The following FAM193A variants were observed in gnomAD, a reference collection of about 807,000 sequenced individuals.
FAM193A encodes the protein protein FAM193A.
FAM193A carries 22 observed loss-of-function variants against 126.5 expected under a neutral mutation model. That is an observed-to-expected ratio of 0.17 (90% CI 0.12 to 0.25). The LOEUF (loss-of-function observed/expected upper bound fraction) is 0.25, where lower values mean the gene tolerates loss of function less well. Ranked by LOEUF, FAM193A falls within the 10% of genes least tolerant of loss-of-function variation. The pLI is 1.00. For missense variants in FAM193A, 1,675 were observed against 1,672.8 expected, an observed-to-expected ratio of 1.00 and a Z score of -0.02; for synonymous variants, 761 against 646.8, an observed-to-expected ratio of 1.18 and a Z score of -2.68.
At chr4:2,549,245 C>T (rs1578572025) in intron 1 of FAM193A, among the ~76,000 whole-genome samples, 2 of 150,676 alleles carry the variant, frequency 1.3e-5, no homozygotes, top group African/African-American at 2.4e-5. Context: ...GGCTGTAAAC[C>T]GGTTTTTTGC....
intron 1 of FAM193A, among the ~76,000 whole-genome samples, chr4:2,593,102 T>C (rs1367529398): frequency 6.6e-6 from 1 of 152,126 alleles, no homozygotes; most frequent in Non-Finnish European, 1.5e-5. Context: ...GCTCAGATAC[T>C]GAAGGAATGA....
At chr4:2,729,544 T>C (rs141571512) in intron 20 of FAM193A, among the ~76,000 whole-genome samples, 47 of 152,316 alleles carry the variant, frequency 3.1e-4, no homozygotes, top group Non-Finnish European at 5.6e-4. Context: ...CCACTCCTGT[T>C]CTAAAACTTG....
At chr4:2,669,472 G>A (rs1444174225) in intron 12 of FAM193A, among the ~76,000 whole-genome samples, 1 of 152,132 alleles carries the variant, frequency 6.6e-6, no homozygotes, top group African/African-American at 2.4e-5. Context: ...AGCCAGGCGT[G>A]CTATCATGTG....
At chr4:2,717,639 A>G (rs2109380580) in intron 20 of FAM193A, among the ~76,000 whole-genome samples, 1 of 151,642 alleles carries the variant, frequency 6.6e-6, no homozygotes, top group African/African-American at 2.4e-5. Flanking sequence ...TTGTAGTCCA[A>G]GCTACTCAGG....
upstream of FAM193A, among the ~76,000 whole-genome samples, chr4:2,535,633 C>T (rs1736835350): frequency 6.6e-6 from 1 of 152,186 alleles, no homozygotes; most frequent in Admixed American, 6.5e-5. Flanking sequence ...TCTGCAAGGC[C>T]GCGGAGGGAG....
chr4:2,679,821 A>G (rs1193474651), intron 13 of FAM193A, among the ~76,000 whole-genome samples: 1 of 151,206 alleles, frequency 6.6e-6, no homozygotes, highest in African/African-American at 2.4e-5. Context: ...AGAATTGACT[A>G]GTGAAGCCAT....
chr4:2,586,499 A>G (rs917490422), intron 1 of FAM193A, among the ~76,000 whole-genome samples: 3 of 151,964 alleles, frequency 2.0e-5, no homozygotes, highest in African/African-American at 7.3e-5. Context: ...CATTCTTTCC[A>G]TAGTATTGTA....
rs1285098469 is a variant in FAM193A, at chr4:2,732,040, C to T, written c.*172C>T. 2.2e-5 allele frequency: 14 copies of T among 640,208 alleles called. No individual in the cohort carries two copies. The highest frequency in any genetic ancestry group is 1.0e-4 in the East Asian group (4 of 38,396). The allele number at this position is 640,208 out of a possible 1,614,324, so 39.7% of individuals were successfully genotyped here. A position where few individuals can be genotyped will look rare whatever the true frequency, so the allele number is the denominator to read the frequency against. On this transcript the variant is annotated 3_prime_UTR_variant, in exon 21 of 21. Coordinates refer to ENST00000637812, the MANE Select transcript of FAM193A (RefSeq NM_001366318.2). ...TGATGCTCGGCCCACGCCGTTAGCT[C>T]GTGTGCGTGTAGTCTGTGCGTGAGA...
intron 1 of FAM193A, among the ~76,000 whole-genome samples, chr4:2,594,849 G>T (rs1232657181): frequency 2.1e-3 from 31 of 14,580 alleles, no homozygotes; most frequent in African/African-American, 1.2e-3. Flanking sequence ...TTTTTTTTGA[G>T]ACTTAGTCTT....
chr4:2,620,329 C>T (rs1742465352), intron 2 of FAM193A, among the ~76,000 whole-genome samples: 1 of 152,100 alleles, frequency 6.6e-6, no homozygotes, highest in Non-Finnish European at 1.5e-5. Context: ...TGATGATAGG[C>T]ACTGATGTAC....
In FAM193A at chr4:2,655,447, C is replaced by CTG. The variant is rs374208792; in HGVS notation, c.1312-2338_1312-2337dup. Among the ~76,000 whole-genome samples the CTG allele has an allele frequency of 3.9e-3, 582 of 148,944 alleles. 1 individual carries two copies. The highest frequency in any genetic ancestry group is 0.017 in the Middle Eastern group (5 of 290). ...GACGTGTGTGTGTGTGCGTGTGCGC[C>CTG]TGTGTGTGTGTGTGTGTGTATTCGG... On this transcript the variant is annotated intron_variant, in intron 7 of 20. Coordinates refer to ENST00000637812, the MANE Select transcript of FAM193A (RefSeq NM_001366318.2).
Position 2,626,511 on chromosome 4 carries a change from C to T in FAM193A, c.737C>T (p.Pro246Leu), listed in dbSNP as rs138863059. 14 of 702,494 alleles carry T rather than the reference C, an allele frequency of 2.0e-5. No individual in the cohort carries two copies. Among genetic ancestry groups the T allele is most frequent in the Admixed American group, 8.0e-5 (4 of 50,018 alleles). 43.5% of individuals were successfully genotyped at this position (702,494 alleles called of 1,614,324 possible). The change falls in exon 4 of 21, where the codon CCG becomes CTG. Residue 246 changes from proline to leucine, a missense_variant. Transcript: ENST00000637812. ...TGCATCTACCGCCAGGCAGGAACCC[C>T]GCTGGCAGATGACCAGGACCAGTCT... ...VRCIYRQAGT[P>L]LADDQDQSLV...
chr4:2,698,272 T>A (rs1345297977), intron 18 of FAM193A, among the ~76,000 whole-genome samples: 1 of 152,210 alleles, frequency 6.6e-6, no homozygotes, highest in Non-Finnish European at 1.5e-5. Flanking sequence ...TGTCCATATA[T>A]TGACAAGGCA....
intron 20 of FAM193A, among the ~76,000 whole-genome samples, chr4:2,719,725 ACAGAGAGACACT>A (rs1719905433): frequency 6.8e-6 from 1 of 147,272 alleles, no homozygotes; most frequent in Non-Finnish European, 1.5e-5. Context: ...AGCCTGGGCA[ACAGAGAGACACT>A]CTCAAAAAAA....
intron 13 of FAM193A, among the ~76,000 whole-genome samples, chr4:2,679,210 A>T (rs887203265): frequency 1.3e-5 from 2 of 152,158 alleles, no homozygotes; most frequent in Admixed American, 6.6e-5. Context: ...GCATATTAAC[A>T]TTGATTACTT....
intron 1 of FAM193A, among the ~76,000 whole-genome samples, chr4:2,579,324 A>G (rs1041170440): frequency 4.6e-5 from 7 of 151,544 alleles, no homozygotes; most frequent in African/African-American, 1.7e-4. Flanking sequence ...GTGAAACCCC[A>G]TCTCTACTGA....
intron 2 of FAM193A, among the ~76,000 whole-genome samples, chr4:2,611,575 A>C (rs1275840716): frequency 1.3e-5 from 2 of 151,326 alleles, no homozygotes; most frequent in African/African-American, 2.4e-5. Context: ...CGCCCGGCTT[A>C]ATCTGCATTT....
chr4:2,612,783 C>T (rs912736494), intron 2 of FAM193A, among the ~76,000 whole-genome samples: 5 of 152,170 alleles, frequency 3.3e-5, no homozygotes, highest in African/African-American at 1.2e-4. Flanking sequence ...TACATATATT[C>T]CTATTCCTTT....
chr4:2,641,515 C>T (rs375905237), intron 6 of FAM193A, among the ~76,000 whole-genome samples: 3 of 151,920 alleles, frequency 2.0e-5, no homozygotes, highest in Non-Finnish European at 2.9e-5. Flanking sequence ...ATTAGCCGGG[C>T]GTAGTGGCGC....
Sources: allele counts gnomAD v4.1 joint callset (sites outside exome capture counted in the v4.1 genomes callset), GRCh38; gene constraint gnomAD v4.1.1; transcripts MANE v1.5; gene names NCBI Gene and HGNC (gene_info 2026-07-23, HGNC 2026-07-21).